ELFN1: variants seen among roughly 807,000 people sequenced by gnomAD.
ELFN1 encodes protein ELFN1.
Under a neutral mutation model 7.6 loss-of-function variants are expected in ELFN1, and 6 were observed. The observed-to-expected ratio is 0.79, with a 90% CI of 0.43 to 1.56. ELFN1 has a LOEUF of 1.56. Among genes scored for constraint, ELFN1 ranks in the 40% most tolerant of loss-of-function variants. The probability of loss-of-function intolerance (pLI) is 0.01; values close to 1 mark genes in which losing one functional copy is unlikely to be tolerated. For synonymous variants in ELFN1, 657 were observed against 588.1 expected (o/e 1.12, Z -1.70); for missense variants, 1,169 against 1,232.2 (o/e 0.95, Z 0.77).
chr7:1,674,014 C>T (rs1000919317), intron 1 of ELFN1, among the ~76,000 whole-genome samples: 11 of 151,318 alleles, frequency 7.3e-5, no homozygotes, highest in Middle Eastern at 3.5e-3. Flanking sequence ...CTCCAGGCCA[C>T]GGGGGTACAC....
At chr7:1,714,038 T>C (rs4720942) in intron 3 of ELFN1, among the ~76,000 whole-genome samples, 149,847 of 152,308 alleles carry the variant, frequency 0.98, 73,717 homozygotes, top group East Asian at 1. Context: ...GCTCCCCGAG[T>C]CCCCGCATTT....
chr7:1,691,919 G>A (rs772226887), intron 2 of ELFN1: 1 of 152,272 alleles, frequency 6.6e-6, no homozygotes, highest in African/African-American at 2.4e-5. Context: ...AATTGCTGAG[G>A]TATTTAAAGG....
At position 1,747,363 on chromosome 7, in the gene ELFN1, G is replaced by C. The variant is rs1405987095; in HGVS notation, c.*280G>C. On this transcript the variant is annotated 3_prime_UTR_variant, in exon 4 of 4. Transcript: ENST00000424383. ...GGGACTTCGGAAAACTGTGTCTTAG[G>C]GATGGGGGGTGGGGGTGGGGATTTT... is the stretch of plus-strand genomic sequence containing the variant. The C allele has an allele frequency of 1.7e-5, 4 of 232,512 alleles. No individual in the cohort carries two copies. Among genetic ancestry groups the C allele is most frequent in the African/African-American group, 9.2e-5 (4 of 43,308 alleles). 14.4% of individuals were successfully genotyped at this position (232,512 alleles called of 1,614,324 possible).
rs377313701 is a variant in ELFN1 at position 1,745,127 on chromosome 7, C to A, written c.531C>A (p.Ala177=). The A allele has an allele frequency of 6.4e-7, 1 of 1,550,848 alleles. No homozygotes were observed. The highest frequency in any genetic ancestry group is 2.4e-5 in the East Asian group (1 of 40,926). The change falls in exon 4 of 4, where the codon GCC becomes GCA. Residue 177 remains alanine (A), a synonymous_variant. Coordinates refer to ENST00000424383, the MANE Select transcript of ELFN1 (RefSeq NM_001128636.4). The part of the protein sequence containing the change: ...RIQQLNSGTF[A]GLAKLSVCEL... ...AGCAGCTCAACAGCGGCACCTTCGCCGGCCTGGCCAAGCTGTCGGTGTGCG... is the reference window on the plus strand; with the variant it reads ...AGCAGCTCAACAGCGGCACCTTCGCAGGCCTGGCCAAGCTGTCGGTGTGCG...
intron 3 of ELFN1, among the ~76,000 whole-genome samples, chr7:1,730,177 G>T (rs1016169186): frequency 2.0e-5 from 3 of 152,262 alleles, no homozygotes; most frequent in African/African-American, 7.2e-5. Context: ...GAAGACAAAT[G>T]AGGCGTGACA....
rs949801720 is a variant in ELFN1 at position 1,673,494 on chromosome 7, C to T, written c.-549+3140C>T. Among the ~76,000 whole-genome samples the T allele has an allele frequency of 6.6e-5, 10 of 152,282 alleles. No individual in the cohort carries two copies. The highest frequency in any genetic ancestry group is 8.8e-5 in the Non-Finnish European group (6 of 68,014). On this transcript the variant is annotated intron_variant, in intron 1 of 3. Coordinates refer to ENST00000424383, the MANE Select transcript of ELFN1 (RefSeq NM_001128636.4). This position sits in a 1 kb window ranked among gnomAD's most constrained non-coding sequence, Gnocchi z 4.7. ...AGCCCAGCACCGTGCCCCCCCTCCC[C>T]GCCCCCTGCCCCGGATGTCCCTTTC... is the stretch of plus-strand genomic sequence containing the variant.
In ELFN1 at chr7:1,746,798, G is replaced by C; in HGVS notation, c.2202G>C (p.Ala734=). The change falls in exon 4 of 4, where the codon GCG becomes GCC. Residue 734 remains alanine, a synonymous_variant. Transcript: ENST00000424383. ...CGCACGAGGGCCTGGGGCGCAAGGC[G>C]TCCATCCTGGAGCCACTCACCCGGC... ...PPPHEGLGRK[A]SILEPLTRPR... is the part of the protein sequence containing the mutation. 1 of 1,530,516 alleles carries C rather than the reference G, an allele frequency of 6.5e-7. No individual in the cohort carries two copies. Among genetic ancestry groups the C allele is most frequent in the Non-Finnish European group, 8.8e-7 (1 of 1,141,850 alleles). The allele number at this position is 1,530,516 out of a possible 1,614,324, so 94.8% of individuals were successfully genotyped here.
rs561611005 is a variant in ELFN1 at position 1,733,582 on chromosome 7, C to T, written c.-293-10722C>T. Among the ~76,000 whole-genome samples, 25 of 152,282 alleles carry T rather than the reference C, an allele frequency of 1.6e-4. No homozygotes were observed. The South Asian group carries it at 3.9e-3, about 24-fold the overall frequency. ...TGAGCAAACCGGGCTGGGCCACTCCCTGCCTGGGGCGGCCGCATCCCAGCC... is the reference window on the plus strand; with the variant it reads ...TGAGCAAACCGGGCTGGGCCACTCCTTGCCTGGGGCGGCCGCATCCCAGCC... On this transcript the variant is annotated intron_variant, in intron 3 of 3. Coordinates refer to ENST00000424383, the MANE Select transcript of ELFN1 (RefSeq NM_001128636.4).
chr7:1,681,323 G>A (rs961394330), intron 1 of ELFN1, among the ~76,000 whole-genome samples: 3 of 151,502 alleles, frequency 2.0e-5, no homozygotes, highest in African/African-American at 7.3e-5. Context: ...AAACTGGGCA[G>A]CTTCCTGGAA....
intron 2 of ELFN1, among the ~76,000 whole-genome samples, chr7:1,703,698 C>T (rs1423526511): frequency 2.0e-5 from 3 of 152,086 alleles, no homozygotes; most frequent in Non-Finnish European, 4.4e-5. Context: ...GCATCTTGTG[C>T]GCTGGGATTG....
At chr7:1,712,567 G>T (rs560557100) in intron 3 of ELFN1, among the ~76,000 whole-genome samples, 1 of 152,156 alleles carries the variant, frequency 6.6e-6, no homozygotes, top group Admixed American at 6.5e-5. Flanking sequence ...AAGTGGCTGG[G>T]ATTACAGGCA....
At chr7:1,669,361 G>C (rs1583300517), upstream of ELFN1, among the ~76,000 whole-genome samples, 1 of 152,106 alleles carries the variant, frequency 6.6e-6, no homozygotes, top group Non-Finnish European at 1.5e-5. Context: ...GGGCGCCGGC[G>C]GGGACGCGCG....
chr7:1,721,546 G>A (rs1386793783), intron 3 of ELFN1, among the ~76,000 whole-genome samples: 1 of 152,202 alleles, frequency 6.6e-6, no homozygotes, highest in Admixed American at 6.5e-5. Flanking sequence ...GAACAGCTGG[G>A]GCCTTAAAGC....
upstream of ELFN1, among the ~76,000 whole-genome samples, chr7:1,668,529 C>T (rs1436118376): frequency 6.6e-6 from 1 of 152,236 alleles, no homozygotes; most frequent in Non-Finnish European, 1.5e-5. Flanking sequence ...CTGCACAAGG[C>T]TGGCCAGGCC....
In ELFN1 at chr7:1,746,689, G is replaced by T. The variant is rs1304164539; in HGVS notation, c.2093G>T (p.Arg698Leu). The T allele has an allele frequency of 2.8e-6, 4 of 1,437,288 alleles. No homozygotes were observed. Among genetic ancestry groups the T allele is most frequent in the Non-Finnish European group, 3.6e-6 (4 of 1,101,922 alleles). The allele number at this position is 1,437,288 out of a possible 1,614,324, so 89.0% of individuals were successfully genotyped here. A position where few individuals can be genotyped will look rare whatever the true frequency, so the allele number is the denominator to read the frequency against. Residue 698 changes from arginine (R) to leucine (L), a missense_variant, in exon 4 of 4, where the codon CGC (arginine) becomes CTC (leucine). Physicochemically the swap from Arg to Leu is moderately radical, Grantham distance 102 (BLOSUM62 -2). Transcript: ENST00000424383. ...CTGCGGGCCGAGGCCGAGAAGGGTC[G>T]CCAGTACGGCGAGCACCGGCACTCG... Reference protein sequence around the residue: ...AVLRAEAEKGRQYGEHRHSYP... With the variant: ...AVLRAEAEKGLQYGEHRHSYP...
chr7:1,671,155 G>A (rs1455425194), intron 1 of ELFN1, among the ~76,000 whole-genome samples: 1 of 143,412 alleles, frequency 7.0e-6, no homozygotes, highest in Non-Finnish European at 1.5e-5. Flanking sequence ...GGCACTGCCT[G>A]CCGTACCGCA....
At chr7:1,670,217 C>T (rs1273627104), upstream of ELFN1, among the ~76,000 whole-genome samples, 1 of 150,942 alleles carries the variant, frequency 6.6e-6, no homozygotes, top group Non-Finnish European at 1.5e-5. This position sits in a 1 kb window ranked among gnomAD's most constrained non-coding sequence, Gnocchi z 6.4. Context: ...CCCCCCCGGC[C>T]GCGCGGCGAG....
chr7:1,714,363 C>T (rs1032805780), intron 3 of ELFN1, among the ~76,000 whole-genome samples: 2 of 152,202 alleles, frequency 1.3e-5, no homozygotes, highest in African/African-American at 4.8e-5. Context: ...GGCTGGGCAG[C>T]ATCCCCACCA....
At chr7:1,685,122 T>G (rs924100580) in intron 1 of ELFN1, among the ~76,000 whole-genome samples, 1 of 152,206 alleles carries the variant, frequency 6.6e-6, no homozygotes, top group African/African-American at 2.4e-5. Flanking sequence ...TTTTTTTGTT[T>G]TCATATTTTG....
Sources: allele counts gnomAD v4.1 joint callset (sites outside exome capture counted in the v4.1 genomes callset), GRCh38; gene constraint gnomAD v4.1.1; non-coding constraint Gnocchi (gnomAD v3.1); transcripts MANE v1.5; gene names NCBI Gene and HGNC (gene_info 2026-07-23, HGNC 2026-07-21).